Variants in CERT1 observed in about 807,000 individuals in gnomAD.
CERT1 encodes ceramide transfer protein.
In CERT1, 31 loss-of-function variants were observed where a neutral mutation model predicts 87.9. The ratio of observed to expected loss-of-function variants is 0.35; its 90% CI spans 0.27 to 0.48. The LOEUF is 0.48. CERT1 is among the 20% of genes least tolerant of loss of function. CERT1 has a pLI of 0.99. For missense variants in CERT1, 487 were observed against 758.0 expected, an observed-to-expected ratio of 0.64 and a Z score of 4.20; for synonymous variants, 289 against 250.9, an observed-to-expected ratio of 1.15 and a Z score of -1.44.
At chr5:75,508,942 A>T (rs1217179781) in intron 1 of CERT1, among the ~76,000 whole-genome samples, 1 of 152,132 alleles carries the variant, frequency 6.6e-6, no homozygotes, top group African/African-American at 2.4e-5. Flanking sequence ...AAGTCCTACT[A>T]AGGCATGCAT....
rs146998957 is a variant in CERT1, at chr5:75,480,295, G to C, written c.232-21114C>G. Reference sequence around the variant, plus strand: ...TCAAAATAAGTTAAAAAACAAAAACGATACTTAAAAATACACCATCGGTCA... The same window carrying C: ...TCAAAATAAGTTAAAAAACAAAAACCATACTTAAAAATACACCATCGGTCA... On this transcript the variant is annotated intron_variant, in intron 2 of 16. Transcript: ENST00000643780. Among the ~76,000 whole-genome samples the C allele has an allele frequency of 5.6e-3, 849 of 152,188 alleles. 4 individuals carry two copies. The highest frequency in any genetic ancestry group is 0.019 in the African/African-American group (798 of 41,520).
intron 5 of CERT1, among the ~76,000 whole-genome samples, chr5:75,421,538 T>C (rs1466229611): frequency 6.6e-6 from 1 of 152,222 alleles, no homozygotes; most frequent in Non-Finnish European, 1.5e-5. Context: ...TGAGCATATC[T>C]TGATTACCAG....
At chr5:75,382,559 G>C (rs1761628538) in intron 14 of CERT1, among the ~76,000 whole-genome samples, 1 of 151,912 alleles carries the variant, frequency 6.6e-6, no homozygotes, top group Non-Finnish European at 1.5e-5. Context: ...AAGTCACTTA[G>C]ATTAAATATT....
intron 2 of CERT1, among the ~76,000 whole-genome samples, chr5:75,460,291 A>G (rs1765170667): frequency 6.6e-6 from 1 of 152,174 alleles, no homozygotes; most frequent in South Asian, 2.1e-4. Flanking sequence ...TTTCCCTTTA[A>G]GTATCTAAAA....
intron 2 of CERT1, among the ~76,000 whole-genome samples, chr5:75,475,567 A>C (rs1047835200): frequency 3.9e-5 from 6 of 152,120 alleles, no homozygotes; most frequent in African/African-American, 1.4e-4. Flanking sequence ...TTTTCGCAAA[A>C]CACGGTGAAT....
chr5:75,474,894 T>A (rs1765892035), intron 2 of CERT1, among the ~76,000 whole-genome samples: 1 of 63,062 alleles, frequency 1.6e-5, no homozygotes, highest in Admixed American at 1.4e-4. Context: ...ACTATATGAG[T>A]CTAATAATCT....
intron 7 of CERT1, among the ~76,000 whole-genome samples, chr5:75,412,457 C>T (rs1489327798): frequency 6.6e-6 from 1 of 152,132 alleles, no homozygotes; most frequent in Admixed American, 6.5e-5. Flanking sequence ...TGCTTGTGAT[C>T]TAAAGAAGGC....
rs1252775360 is a variant in CERT1 at position 75,381,929 on chromosome 5, A to AT, written c.1617+19dup. 1 of 1,604,858 alleles carries AT rather than the reference A, an allele frequency of 6.2e-7. No homozygotes were observed. The highest frequency in any genetic ancestry group is 1.3e-5 in the African/African-American group (1 of 74,564). Reference sequence around the variant, plus strand: ...AGCTTTATATTGTTTAATTATACACATTTATATACATGTACTTACAGGAGC... The same window carrying AT: ...AGCTTTATATTGTTTAATTATACACATTTTATATACATGTACTTACAGGAGC... On this transcript the variant is annotated intron_variant, in intron 15 of 16. Coordinates refer to ENST00000643780, the MANE Select transcript of CERT1 (RefSeq NM_001379029.1).
chr5:75,497,280 C>T (rs2112447418), intron 2 of CERT1, among the ~76,000 whole-genome samples: 1 of 152,236 alleles, frequency 6.6e-6, no homozygotes. Context: ...GCTTTACTCC[C>T]AACATAAACA....
At chr5:75,425,547 G>C in intron 4 of CERT1, 48 bp from the exon 5 acceptor site, 2 of 1,584,476 alleles carry the variant, frequency 1.3e-6, no homozygotes, top group Non-Finnish European at 1.7e-6. Flanking sequence ...AACAAAACTG[G>C]ATTTCATGTG....
intron 2 of CERT1, among the ~76,000 whole-genome samples, chr5:75,495,506 C>T (rs1462034377): frequency 1.3e-5 from 2 of 151,810 alleles, no homozygotes; most frequent in South Asian, 2.1e-4. Context: ...TTCAGTGTGC[C>T]GAGATCACGC....
intron 11 of CERT1, among the ~76,000 whole-genome samples, chr5:75,395,474 AGTCAGAG>A (rs1302518626): frequency 2.0e-5 from 3 of 148,280 alleles, no homozygotes; most frequent in Non-Finnish European, 4.4e-5. Flanking sequence ...GTGTCCAGGA[AGTCAGAG>A]GTCAGAGGTC....
At chr5:75,444,911 A>C (rs1053777041) in intron 3 of CERT1, among the ~76,000 whole-genome samples, 9 of 151,698 alleles carry the variant, frequency 5.9e-5, no homozygotes, top group Admixed American at 5.9e-4. Context: ...TTCTATACCT[A>C]TTTTTTTTGT....
intron 2 of CERT1, among the ~76,000 whole-genome samples, chr5:75,477,647 T>TAAAAAA (rs540588442): frequency 1.9e-4 from 17 of 89,500 alleles, no homozygotes; most frequent in Non-Finnish European, 2.3e-4. Flanking sequence ...TAATAAGTTG[T>TAAAAAA]AAAAAAAAAA....
At chr5:75,412,499 G>GTAT (rs1447934772) in intron 7 of CERT1, among the ~76,000 whole-genome samples, 1 of 152,222 alleles carries the variant, frequency 6.6e-6, no homozygotes, top group Non-Finnish European at 1.5e-5. Context: ...ACTGTCACAT[G>GTAT]TTAGTTCACC....
At chr5:75,413,054 T>A (rs1234002494) in intron 7 of CERT1, among the ~76,000 whole-genome samples, 1 of 152,216 alleles carries the variant, frequency 6.6e-6, no homozygotes, top group Non-Finnish European at 1.5e-5. Context: ...TTATACTGTA[T>A]TCTACAAACA....
At position 75,396,406 on chromosome 5, in the gene CERT1, G is replaced by T. The variant is rs1213952632; in HGVS notation, c.1188+2904C>A. 4.6e-5 allele frequency among the ~76,000 whole-genome samples: 7 copies of T among 152,164 alleles called. 1 individual carries two copies. Among genetic ancestry groups the T allele is most frequent in the Admixed American group, 4.6e-4 (7 of 15,266 alleles). ...GGTTACCTCCCATATCAAGCGCTGT[G>T]GAGTAACTGATGTATATTTGTGTAT... On this transcript the variant is annotated intron_variant, in intron 11 of 16. Coordinates refer to ENST00000643780, the MANE Select transcript of CERT1 (RefSeq NM_001379029.1).
At chr5:75,410,793 T>A (rs1762904861) in intron 8 of CERT1, 1 of 322,184 alleles carries the variant, frequency 3.1e-6, no homozygotes, top group South Asian at 9.1e-5. Flanking sequence ...GGCCTAATAC[T>A]AAGCCTTTTG....
At chr5:75,420,135 G>A (rs1763308247) in intron 5 of CERT1, among the ~76,000 whole-genome samples, 1 of 150,228 alleles carries the variant, frequency 6.7e-6, no homozygotes, top group Non-Finnish European at 1.5e-5. Context: ...TGCCACCACA[G>A]CCAGCTAATA....
Sources: allele counts gnomAD v4.1 joint callset (sites outside exome capture counted in the v4.1 genomes callset), GRCh38; gene constraint gnomAD v4.1.1; transcripts MANE v1.5; gene names NCBI Gene and HGNC (gene_info 2026-07-23, HGNC 2026-07-21).